Variants in EPB41L2 observed in about 807,000 individuals in gnomAD.
EPB41L2 encodes band 4.1-like protein 2.
In EPB41L2, 43 loss-of-function variants were observed where a neutral mutation model predicts 113.0. The ratio of observed to expected loss-of-function variants is 0.38; its 90% CI spans 0.30 to 0.49. EPB41L2 has a LOEUF of 0.49. EPB41L2 is among the 20% of genes least tolerant of loss of function. The pLI, the probability that EPB41L2 is intolerant of heterozygous loss-of-function variation, is 0.95. For synonymous variants in EPB41L2, 442 were observed against 436.7 expected (o/e 1.01, Z -0.15); for missense variants, 1,147 against 1,223.4 (o/e 0.94, Z 0.93).
chr6:130,936,125 C>T (rs1033131385), intron 3 of EPB41L2, among the ~76,000 whole-genome samples: 1 of 152,208 alleles, frequency 6.6e-6, no homozygotes, highest in African/African-American at 2.4e-5. Context: ...GCAGGCATTC[C>T]ATAAATGCCT....
At chr6:130,990,768 C>G (rs1781643494) in intron 1 of EPB41L2, among the ~76,000 whole-genome samples, 1 of 151,754 alleles carries the variant, frequency 6.6e-6, no homozygotes, top group Non-Finnish European at 1.5e-5. Context: ...GTATACTATG[C>G]CGAGGACATA....
chr6:130,840,932 C>A (rs1775261571), intron 19 of EPB41L2, among the ~76,000 whole-genome samples: 1 of 152,032 alleles, frequency 6.6e-6, no homozygotes, highest in African/African-American at 2.4e-5. Flanking sequence ...AAGCTATACT[C>A]AGGGAAAGGG....
intron 11 of EPB41L2, among the ~76,000 whole-genome samples, chr6:130,886,980 G>A (rs986890068): frequency 1.3e-5 from 2 of 151,846 alleles, no homozygotes; most frequent in African/African-American, 4.8e-5. Flanking sequence ...ATCTAAATAA[G>A]TTTCCCTTGG....
intron 1 of EPB41L2, among the ~76,000 whole-genome samples, chr6:130,968,090 T>C (rs1218709465): frequency 6.7e-6 from 1 of 150,118 alleles, no homozygotes; most frequent in East Asian, 1.9e-4. Context: ...TCGTGCCCAC[T>C]TGGTATCCAA....
intron 1 of EPB41L2, among the ~76,000 whole-genome samples, chr6:131,020,544 C>T (rs141663918): frequency 1.3e-3 from 195 of 152,312 alleles, no homozygotes; most frequent in Middle Eastern, 6.8e-3. Context: ...ATTCCCATCA[C>T]TGGAGTTATT....
rs778352746 is a variant in EPB41L2 at position 130,894,920 on chromosome 6, G to A, written c.1389+47C>T. Reference sequence around the variant, plus strand: ...GAAAAGAATTTTTAAATTCATGGTCGTAAACAGGCCGACTAACAACAACTG... The same window carrying A: ...GAAAAGAATTTTTAAATTCATGGTCATAAACAGGCCGACTAACAACAACTG... On this transcript the variant is annotated intron_variant, in intron 9 of 19. Coordinates refer to ENST00000337057, the MANE Select transcript of EPB41L2 (RefSeq NM_001431.4). 97 of 1,550,310 alleles carry A rather than the reference G, an allele frequency of 6.3e-5. 1 individual carries two copies. Among genetic ancestry groups the A allele is most frequent in the Admixed American group, 3.3e-4 (17 of 51,886 alleles).
Position 130,984,516 on chromosome 6 carries a change from C to T in EPB41L2, c.-14-28017G>A, listed in dbSNP as rs573222848. On this transcript the variant is annotated intron_variant, in intron 1 of 19. Transcript: ENST00000337057. The stretch of plus-strand genomic sequence containing the variant: ...GTCACCAGATAATAGGAATTATTCA[C>T]CTCCACTAGAATCTTATGGGACCTC... 3.3e-5 allele frequency among the ~76,000 whole-genome samples: 5 copies of T among 152,312 alleles called. No homozygotes were observed. The East Asian group carries it at 9.6e-4, about 29-fold the overall frequency.
intron 1 of EPB41L2, among the ~76,000 whole-genome samples, chr6:130,958,629 T>C (rs1048905840): frequency 1.3e-5 from 2 of 152,096 alleles, no homozygotes; most frequent in African/African-American, 2.4e-5. Context: ...GTGTCAGGCA[T>C]AGGGAGTTGT....
Position 131,029,119 on chromosome 6 carries a change from T to C in EPB41L2, c.-15+34036A>G, listed in dbSNP as rs140030377. Among the ~76,000 whole-genome samples, 1,019 of 152,234 alleles carry C rather than the reference T, an allele frequency of 6.7e-3. 19 individuals are homozygous for C. The highest frequency in any genetic ancestry group is 0.024 in the African/African-American group (984 of 41,538). ...CAGTATAACTCATCAGTGGTAACAA[T>C]GGACAGAGAATGCTAAAGGGAAAAA... On this transcript the variant is annotated intron_variant, in intron 1 of 19. Coordinates refer to ENST00000337057, the MANE Select transcript of EPB41L2 (RefSeq NM_001431.4).
chr6:130,934,366 TAA>T (rs1367559162), intron 3 of EPB41L2, among the ~76,000 whole-genome samples: 2 of 152,228 alleles, frequency 1.3e-5, no homozygotes, highest in African/African-American at 4.8e-5. Flanking sequence ...TAGTAAGAAT[TAA>T]GTTTGAAAAC....
intron 4 of EPB41L2, among the ~76,000 whole-genome samples, chr6:130,922,850 A>C (rs561011193): frequency 5.3e-4 from 80 of 152,336 alleles, no homozygotes; most frequent in African/African-American, 1.9e-3. Context: ...ACATCAGGAA[A>C]TAAAGCTACC....
chr6:131,050,280 A>C (rs545824614), intron 1 of EPB41L2, among the ~76,000 whole-genome samples: 177 of 152,316 alleles, frequency 1.2e-3, no homozygotes, highest in South Asian at 0.01. Context: ...CAGAGGTTGC[A>C]GTGAGCCAAG....
chr6:130,987,884 A>G (rs1026775952), intron 1 of EPB41L2, among the ~76,000 whole-genome samples: 1 of 151,908 alleles, frequency 6.6e-6, no homozygotes, highest in African/African-American at 2.4e-5. Context: ...AGCCCTAAGC[A>G]GGAGGACTGC....
At chr6:130,968,310 C>G (rs1441761371) in intron 1 of EPB41L2, among the ~76,000 whole-genome samples, 22 of 152,138 alleles carry the variant, frequency 1.4e-4, no homozygotes, top group Admixed American at 1.4e-3. Context: ...CACACTATGA[C>G]AAGTCCACCA....
At chr6:130,910,714 G>A (rs1297108932) in intron 4 of EPB41L2, among the ~76,000 whole-genome samples, 2 of 152,118 alleles carry the variant, frequency 1.3e-5, no homozygotes, top group African/African-American at 4.8e-5. Flanking sequence ...GTGGGTGAAG[G>A]ATATGAATAG....
intron 1 of EPB41L2, among the ~76,000 whole-genome samples, chr6:131,030,150 TAA>T (rs1791824466): frequency 6.6e-6 from 1 of 152,182 alleles, no homozygotes; most frequent in South Asian, 2.1e-4. Context: ...CGCTCAAGAA[TAA>T]AGTCGGCAAG....
chr6:131,006,355 C>A (rs1336712554), intron 1 of EPB41L2, among the ~76,000 whole-genome samples: 1 of 151,280 alleles, frequency 6.6e-6, no homozygotes, highest in South Asian at 2.1e-4. Flanking sequence ...CCGCACCCGA[C>A]GAACTTCTTT....
chr6:130,922,351 G>A (rs1485156814), intron 4 of EPB41L2, among the ~76,000 whole-genome samples: 1 of 152,172 alleles, frequency 6.6e-6, no homozygotes, highest in Non-Finnish European at 1.5e-5. Flanking sequence ...GTGACTTTCA[G>A]AATTTGAGAA....
rs1310793262 is a variant in EPB41L2, at chr6:130,904,451, C to T, written c.929+14G>A. 1 of 1,555,324 alleles carries T rather than the reference C, an allele frequency of 6.4e-7. No individual in the cohort carries two copies. Among genetic ancestry groups the T allele is most frequent in the Non-Finnish European group, 8.8e-7 (1 of 1,135,746 alleles). On this transcript the variant is annotated intron_variant, in intron 6 of 19. Transcript: ENST00000337057. ...GTAAGGAAAGGTTCATTTAAAAATG[C>T]AAATATAAAGTACCTGGTGATATCT...
Sources: gnomAD v4.1 joint callset for allele counts (sites outside exome capture counted in the v4.1 genomes callset) on GRCh38, gnomAD v4.1.1 for gene constraint, MANE v1.5 for transcripts, NCBI Gene and HGNC (gene_info 2026-07-23, HGNC 2026-07-21) for gene names.